The following CFAP47 variants were observed in gnomAD, a reference collection of about 807,000 sequenced individuals.
The protein encoded by CFAP47 is cilia- and flagella-associated protein 47.
A neutral mutation model predicts 148.1 loss-of-function variants in CFAP47; 29 were observed. That is an observed-to-expected ratio of 0.20 (90% confidence interval 0.15 to 0.27). The LOEUF (loss-of-function observed/expected upper bound fraction) is 0.27. CFAP47 is among the 10% of genes least tolerant of loss of function. The pLI is 1.00. For missense variants in CFAP47, 1,872 were observed against 1,697.5 expected (o/e 1.10, Z -1.81); for synonymous variants, 664 against 577.3 (o/e 1.15, Z -2.15).
intron 61 of CFAP47, among the ~76,000 whole-genome samples, chrX:36,364,437 CTAAT>C (rs1349463643): frequency 6.0e-5 from 5 of 82,771 alleles, no homozygotes; most frequent in African/African-American, 1.5e-4. Flanking sequence ...TCAGATTGTC[CTAAT>C]AAATAAATAA....
intron 45 of CFAP47, among the ~76,000 whole-genome samples, chrX:36,213,096 T>C (rs1940120709): frequency 9.0e-6 from 1 of 111,426 alleles, no homozygotes; most frequent in Non-Finnish European, 1.9e-5. Flanking sequence ...TGAGGTATGG[T>C]AACCTCCAAC....
At chrX:36,002,630 G>A (rs887686059) in intron 21 of CFAP47, among the ~76,000 whole-genome samples, 1 of 111,230 alleles carries the variant, frequency 9.0e-6, no homozygotes, top group African/African-American at 3.3e-5. Flanking sequence ...CTGCATATTA[G>A]TGTATCCTTC....
chrX:36,002,173 A>G (rs901785812), intron 21 of CFAP47, among the ~76,000 whole-genome samples: 1 of 111,272 alleles, frequency 9.0e-6, no homozygotes, highest in Non-Finnish European at 1.9e-5. Context: ...ACAAACAGAC[A>G]AAAAACCTAT....
At chrX:35,957,836 C>T (rs960563414) in intron 8 of CFAP47, among the ~76,000 whole-genome samples, 2 of 112,043 alleles carry the variant, frequency 1.8e-5, no homozygotes, top group African/African-American at 6.5e-5. Flanking sequence ...GTCAAATGGC[C>T]TTTGACTATT....
intron 2 of CFAP47, among the ~76,000 whole-genome samples, chrX:35,936,443 ATTTT>A (rs34238002): frequency 4.1e-4 from 38 of 93,005 alleles, no homozygotes; most frequent in Admixed American, 9.3e-4. Context: ...TTGTTGCAGC[ATTTT>A]TTTTTTTTTT....
intron 39 of CFAP47, among the ~76,000 whole-genome samples, chrX:36,175,234 C>A (rs769204611): frequency 9.0e-6 from 1 of 111,472 alleles, no homozygotes; most frequent in South Asian, 3.8e-4. Context: ...AACTTCTTTG[C>A]CTTTGGTTTG....
chrX:36,098,826 A>G lies in CFAP47; in HGVS notation c.4950A>G (p.Pro1650=), dbSNP rs765799508. The change falls in exon 31 of 64, where the codon CCA becomes CCG. Residue 1650 remains proline (P), a synonymous_variant. Transcript: ENST00000378653. ...GAGGATGTATTTCACATGTCCTGCC[A>G]GAATTTTTGCTTGAACCAGAAGATT... is the stretch of plus-strand genomic sequence containing the variant. ...AQGGCISHVL[P]EFLLEPEDYK... 45 of 1,189,824 alleles carry G rather than the reference A, an allele frequency of 3.8e-5. No individual in the cohort carries two copies. In the Admixed American group the frequency reaches 9.1e-4, roughly 24 times the overall value.
chrX:36,094,918 A>G (rs770310472), intron 30 of CFAP47, among the ~76,000 whole-genome samples: 52 of 110,963 alleles, frequency 4.7e-4, no homozygotes, highest in Non-Finnish European at 9.1e-4. Flanking sequence ...GTGTTCAATG[A>G]CAGTGATGAA....
At chrX:36,200,832 A>G (rs1359178518) in intron 43 of CFAP47, among the ~76,000 whole-genome samples, 1 of 111,800 alleles carries the variant, frequency 8.9e-6, no homozygotes, top group Non-Finnish European at 1.9e-5. Flanking sequence ...TATAACCTGG[A>G]ATTTTACCCT....
intron 52 of CFAP47, among the ~76,000 whole-genome samples, chrX:36,300,805 T>C (rs1362583808): frequency 1.8e-5 from 2 of 112,485 alleles, no homozygotes; most frequent in African/African-American, 6.5e-5. Context: ...TACTCATGTT[T>C]AAACATTTTT....
intron 56 of CFAP47, among the ~76,000 whole-genome samples, chrX:36,312,126 C>T (rs1352448852): frequency 9.1e-6 from 1 of 110,102 alleles, no homozygotes; most frequent in Non-Finnish European, 1.9e-5. Flanking sequence ...AAGATATAAA[C>T]GAGGTAAGGT....
chrX:36,268,685 CTG>C (rs1329541597), intron 49 of CFAP47, among the ~76,000 whole-genome samples: 8 of 111,970 alleles, frequency 7.1e-5, no homozygotes, highest in African/African-American at 2.6e-4. Context: ...GTCTCTCTGT[CTG>C]TCTTGCTTGC....
At chrX:36,163,979 A>G (rs906315102) in intron 39 of CFAP47, among the ~76,000 whole-genome samples, 1 of 111,920 alleles carries the variant, frequency 8.9e-6, no homozygotes, top group Non-Finnish European at 1.9e-5. Flanking sequence ...TATGTTGTTT[A>G]ATTTCCCCAT....
At chrX:36,144,519 G>C in intron 35 of CFAP47, 1 of 999,997 alleles carries the variant, frequency 1.0e-6, no homozygotes, top group South Asian at 2.0e-5. Flanking sequence ...AACTTGACTG[G>C]ATTGAAGGAT....
intron 46 of CFAP47, among the ~76,000 whole-genome samples, chrX:36,232,500 C>T (rs1310956915): frequency 9.0e-6 from 1 of 111,503 alleles, no homozygotes; most frequent in African/African-American, 3.3e-5. Flanking sequence ...TGATTCTTCT[C>T]TCTGTTTTTC....
chrX:36,176,670 C>T (rs768802858), intron 39 of CFAP47, among the ~76,000 whole-genome samples: 19 of 112,290 alleles, frequency 1.7e-4, no homozygotes, highest in Non-Finnish European at 2.8e-4. Context: ...CTTTGGGAGG[C>T]CAAGGCGGAG....
intron 40 of CFAP47, among the ~76,000 whole-genome samples, chrX:36,181,943 T>A (rs990195977): frequency 2.0e-4 from 22 of 112,422 alleles, no homozygotes; most frequent in African/African-American, 7.1e-4. Context: ...TATGTTGAAT[T>A]GAGATAAAGT....
intron 2 of CFAP47, 28 bp from the exon 3 acceptor site, chrX:35,941,255 T>G: frequency 1.2e-6 from 1 of 819,594 alleles, no homozygotes; most frequent in Non-Finnish European, 1.8e-6. Context: ...GTTAAATTAA[T>G]TATGTGGCCT....
At chrX:36,072,993 A>G (rs1484708619) in intron 28 of CFAP47, 146 bp from the exon 29 acceptor site, 3 of 437,193 alleles carry the variant, frequency 6.9e-6, no homozygotes, top group Non-Finnish European at 1.2e-5. Context: ...ACTTTAAGAT[A>G]TAGTAAATTG....
Sources: allele counts gnomAD v4.1 joint callset (sites outside exome capture counted in the v4.1 genomes callset), GRCh38; gene constraint gnomAD v4.1.1; transcripts MANE v1.5; gene names NCBI Gene and HGNC (gene_info 2026-07-23, HGNC 2026-07-21).